The following NRXN3 variants were observed in gnomAD, a reference collection of about 807,000 sequenced individuals.
NRXN3 encodes the protein neurexin III.
NRXN3 carries 32 observed loss-of-function variants against 137.6 expected under a neutral mutation model. The observed-to-expected ratio is 0.23, with a 90% CI of 0.18 to 0.31. The LOEUF is 0.31. NRXN3 is among the 10% of genes least tolerant of loss of function. NRXN3 has a pLI of 1.00. For synonymous variants in NRXN3, 798 were observed against 784.5 expected (o/e 1.02, Z -0.29); for missense variants, 1,574 against 2,062.5 (o/e 0.76, Z 4.59).
chr14:78,949,592 AT>A (rs569606260), intron 10 of NRXN3, among the ~76,000 whole-genome samples: 97 of 132,508 alleles, frequency 7.3e-4, no homozygotes, highest in Middle Eastern at 7.4e-3. Context: ...ATAGAAGTGA[AT>A]TTTTTTTTTT....
chr14:79,806,820 A>G (rs1165764014), intron 20 of NRXN3, among the ~76,000 whole-genome samples: 1 of 149,884 alleles, frequency 6.7e-6, no homozygotes, highest in Non-Finnish European at 1.5e-5. Context: ...AGTCAACTGT[A>G]TATGTTAAGC....
At chr14:79,144,957 G>A (rs1429588615) in intron 15 of NRXN3, among the ~76,000 whole-genome samples, 8 of 151,466 alleles carry the variant, frequency 5.3e-5, no homozygotes, top group Admixed American at 5.3e-4. Flanking sequence ...AGAAATTTTT[G>A]TCATAAAACC....
chr14:78,393,622 T>C (rs1460331358), intron 4 of NRXN3, among the ~76,000 whole-genome samples: 1 of 152,072 alleles, frequency 6.6e-6, no homozygotes, highest in East Asian at 1.9e-4. Context: ...TACACATTTT[T>C]AAATAATCCT....
rs558807935 is a variant in NRXN3 at position 78,184,948 on chromosome 14, T to C, written c.-704+14274T>C. On this transcript the variant is annotated intron_variant, in intron 1 of 20. Coordinates refer to ENST00000335750, the MANE Select transcript of NRXN3 (RefSeq NM_001330195.2). Reference sequence around the variant, plus strand: ...AGGTTTATGATACAGATTTGATTTCTTCATCTCTGAGATGTACATCTGGGG... The same window carrying C: ...AGGTTTATGATACAGATTTGATTTCCTCATCTCTGAGATGTACATCTGGGG... Among the ~76,000 whole-genome samples the C allele has an allele frequency of 1.2e-3, 185 of 152,338 alleles. 2 individuals carry two copies. Among genetic ancestry groups the C allele is most frequent in the African/African-American group, 4.3e-3 (177 of 41,578 alleles).
intron 15 of NRXN3, among the ~76,000 whole-genome samples, chr14:79,065,960 T>G (rs1369886141): frequency 1.3e-5 from 2 of 152,034 alleles, no homozygotes; most frequent in Non-Finnish European, 2.9e-5. Flanking sequence ...GCTCTCCCTC[T>G]GCCTCCCCTT....
chr14:78,657,017 A>C (rs2097789978), intron 6 of NRXN3, among the ~76,000 whole-genome samples: 1 of 131,022 alleles, frequency 7.6e-6, no homozygotes, highest in Admixed American at 8.6e-5. Context: ...ACTGCACTCC[A>C]GCCTGGGCGA....
chr14:79,165,003 A>G (rs376898342), intron 15 of NRXN3, among the ~76,000 whole-genome samples: 1 of 151,998 alleles, frequency 6.6e-6, no homozygotes, highest in East Asian at 1.9e-4. Context: ...TCCCACTAAT[A>G]TTGTAGTATT....
intron 15 of NRXN3, among the ~76,000 whole-genome samples, chr14:79,124,723 A>G (rs1009076557): frequency 2.6e-5 from 4 of 152,224 alleles, no homozygotes; most frequent in African/African-American, 9.6e-5. Flanking sequence ...GAAATTTCCA[A>G]GGAGAAATAT....
At chr14:79,251,370 G>A (rs748127642) in intron 15 of NRXN3, among the ~76,000 whole-genome samples, 2 of 152,162 alleles carry the variant, frequency 1.3e-5, no homozygotes, top group Non-Finnish European at 2.9e-5. Flanking sequence ...CATTTCTCTA[G>A]TTTAGATAGG....
At chr14:79,773,810 A>AAAAAAT (rs950252415) in intron 19 of NRXN3, among the ~76,000 whole-genome samples, 2 of 148,596 alleles carry the variant, frequency 1.3e-5, no homozygotes, top group African/African-American at 2.5e-5. Context: ...AAATAAAAAT[A>AAAAAAT]AAAAATAAAA....
intron 6 of NRXN3, among the ~76,000 whole-genome samples, chr14:78,699,925 A>T (rs2098263188): frequency 6.6e-6 from 1 of 150,402 alleles, no homozygotes; most frequent in Middle Eastern, 3.2e-3. Context: ...CACATCAGAA[A>T]CACACAACCC....
intron 17 of NRXN3, among the ~76,000 whole-genome samples, chr14:79,679,939 A>T (rs566175395): frequency 6.6e-6 from 1 of 152,300 alleles, no homozygotes; most frequent in Admixed American, 6.5e-5. Context: ...TGTAAATCAC[A>T]GCATTTAGCA....
chr14:79,475,729 T>G (rs1185967137), intron 16 of NRXN3, among the ~76,000 whole-genome samples: 3 of 152,118 alleles, frequency 2.0e-5, no homozygotes, highest in Non-Finnish European at 2.9e-5. Flanking sequence ...TCATTTTAAC[T>G]CAAAAACTTG....
At chr14:79,351,142 C>A (rs2093187562) in intron 15 of NRXN3, among the ~76,000 whole-genome samples, 1 of 152,152 alleles carries the variant, frequency 6.6e-6, no homozygotes, top group African/African-American at 2.4e-5. Context: ...TCCGTCAAAT[C>A]CTTCTTGCCT....
chr14:78,277,738 T>C (rs1215754375), intron 2 of NRXN3, among the ~76,000 whole-genome samples: 2 of 152,174 alleles, frequency 1.3e-5, no homozygotes, highest in Non-Finnish European at 2.9e-5. Context: ...TGCTCTGGGT[T>C]ATGCTTCCCC....
At chr14:78,215,745 G>C (rs923542458) in intron 1 of NRXN3, among the ~76,000 whole-genome samples, 35 of 119,196 alleles carry the variant, frequency 2.9e-4, no homozygotes, top group African/African-American at 1.1e-3. Flanking sequence ...TTGTGCTGGG[G>C]GGGTTTCGTT....
intron 16 of NRXN3, among the ~76,000 whole-genome samples, chr14:79,485,347 C>T: frequency 6.6e-6 from 1 of 152,146 alleles, no homozygotes; most frequent in East Asian, 1.9e-4. Flanking sequence ...CTCCCCACCA[C>T]CCCCCAACTC....
At chr14:79,160,918 A>G (rs915771212) in intron 15 of NRXN3, among the ~76,000 whole-genome samples, 2 of 151,954 alleles carry the variant, frequency 1.3e-5, no homozygotes, top group African/African-American at 4.8e-5. Context: ...ATATTCTGTA[A>G]CTAGCCTGTT....
intron 15 of NRXN3, among the ~76,000 whole-genome samples, chr14:79,418,172 G>A (rs1163906257): frequency 6.6e-6 from 1 of 152,144 alleles, no homozygotes; most frequent in Non-Finnish European, 1.5e-5. Context: ...AATACACTGA[G>A]GTATGCTGCC....
Sources: gnomAD v4.1 joint callset for allele counts (sites outside exome capture counted in the v4.1 genomes callset) on GRCh38, gnomAD v4.1.1 for gene constraint, MANE v1.5 for transcripts, NCBI Gene and HGNC (gene_info 2026-07-23, HGNC 2026-07-21) for gene names.